The following HTT variants were observed in gnomAD, a reference collection of about 807,000 sequenced individuals.
The protein encoded by HTT is huntingtin, also known as huntington disease protein.
HTT carries 104 observed loss-of-function variants against 362.3 expected under a neutral mutation model. The ratio of observed to expected loss-of-function variants is 0.29; its 90% CI spans 0.24 to 0.34. The LOEUF (loss-of-function observed/expected upper bound fraction) is 0.34, where lower values mean the gene tolerates loss of function less well. HTT is among the 10% of genes least tolerant of loss of function. HTT has a pLI of 1.00. For missense variants in HTT, 3,301 were observed against 3,928.6 expected (o/e 0.84, Z 4.27); for synonymous variants, 1,577 against 1,548.7 (o/e 1.02, Z -0.43).
chr4:3,153,283 C>G (rs375135856), intron 26 of HTT, among the ~76,000 whole-genome samples: 1 of 152,232 alleles, frequency 6.6e-6, no homozygotes, highest in East Asian at 1.9e-4. Context: ...CCTCCTAATA[C>G]CATCACCCTG....
In HTT at chr4:3,113,076, G is replaced by C. The variant is rs1714844013; in HGVS notation, c.748-2228G>C. 4 of 929,662 alleles carry C rather than the reference G, an allele frequency of 4.3e-6. No individual in the cohort carries two copies. The South Asian group carries it at 1.5e-4, about 35-fold the overall frequency. The allele number at this position is 929,662 out of a possible 1,614,324, so 57.6% of individuals were successfully genotyped here. On this transcript the variant is annotated intron_variant, in intron 6 of 66. Coordinates refer to ENST00000355072, the MANE Select transcript of HTT (RefSeq NM_001388492.1). Reference sequence around the variant, plus strand: ...AGGTATGTTGTGCATGTGTTGAAAAGTGGCACTATCTATTCTAAAATACAG... The same window carrying C: ...AGGTATGTTGTGCATGTGTTGAAAACTGGCACTATCTATTCTAAAATACAG...
In HTT at chr4:3,174,955, C is replaced by A. The variant is rs375899948; in HGVS notation, c.4255C>A (p.His1419Asn). 6.3e-7 allele frequency: 1 copy of A among 1,593,606 alleles called. No homozygotes were observed. The highest frequency in any genetic ancestry group is 8.6e-7 in the Non-Finnish European group (1 of 1,165,940). ...TTTTTCTTTTTTATAGAATGCTATT[C>A]ATAATCACATTCGTTTGTTTGAACC... is the stretch of plus-strand genomic sequence containing the variant. ...TKNRADKNAI[H>N]NHIRLFEPLV... is the part of the protein sequence containing the mutation. The change falls in exon 33 of 67, where the codon CAT becomes AAT. Residue 1419 changes from histidine to asparagine, a missense_variant. Around this residue, in one of 4 missense-constraint regions of HTT, gnomAD observed 2,316 missense variants for 2,658.5 expected, o/e 0.87. Coordinates refer to ENST00000355072, the MANE Select transcript of HTT (RefSeq NM_001388492.1).
intron 6 of HTT, among the ~76,000 whole-genome samples, chr4:3,109,330 G>A (rs540392177): frequency 8.8e-5 from 12 of 137,030 alleles, no homozygotes; most frequent in Admixed American, 5.0e-4. Flanking sequence ...GGGTTCAAGC[G>A]ATTCTCCTGC....
chr4:3,165,036 G>A (rs1348063983), intron 29 of HTT, among the ~76,000 whole-genome samples: 3 of 152,098 alleles, frequency 2.0e-5, no homozygotes, highest in Non-Finnish European at 4.4e-5. Flanking sequence ...TTACAATTTG[G>A]CATGTTTTTG....
chr4:3,140,059 A>G (rs1483016550), intron 21 of HTT, among the ~76,000 whole-genome samples: 1 of 152,148 alleles, frequency 6.6e-6, no homozygotes, highest in East Asian at 1.9e-4. Context: ...TCAAGAGTTC[A>G]AGAACAGCCT....
intron 29 of HTT, among the ~76,000 whole-genome samples, chr4:3,166,258 A>T (rs1298784174): frequency 1.3e-5 from 2 of 152,164 alleles, no homozygotes; most frequent in Non-Finnish European, 2.9e-5. Flanking sequence ...AGAACAGCAA[A>T]TATTGCTGCC....
chr4:3,233,511 A>G (rs569372205), intron 61 of HTT, among the ~76,000 whole-genome samples, 158 bp downstream of exon 61: 2 of 152,314 alleles, frequency 1.3e-5, no homozygotes, highest in African/African-American at 2.4e-5. Context: ...AGTGAGACGC[A>G]AGAGCACAGG....
At chr4:3,187,139 G>A (rs1239551128) in intron 38 of HTT, among the ~76,000 whole-genome samples, 2 of 151,094 alleles carry the variant, frequency 1.3e-5, no homozygotes, top group Non-Finnish European at 1.5e-5. Context: ...GATTACAGGC[G>A]TGAGCCACCG....
intron 37 of HTT, among the ~76,000 whole-genome samples, chr4:3,183,934 C>T (rs971614284): frequency 2.6e-5 from 4 of 152,166 alleles, no homozygotes; most frequent in African/African-American, 9.7e-5. Flanking sequence ...GCAGTGCATA[C>T]ATCAGTGATC....
Position 3,240,354 on chromosome 4 carries a change from T to A in HTT, c.*295T>A. ...CAGGTCCTTTCTCCTGATAGTCACCTGCTGGTTGTTGCCAGGTTGCAGCTG... is the reference window on the plus strand; with the variant it reads ...CAGGTCCTTTCTCCTGATAGTCACCAGCTGGTTGTTGCCAGGTTGCAGCTG... On this transcript the variant is annotated 3_prime_UTR_variant, in exon 67 of 67. Coordinates refer to ENST00000355072, the MANE Select transcript of HTT (RefSeq NM_001388492.1). The A allele has an allele frequency of 2.2e-6, 1 of 451,542 alleles. No homozygotes were observed. The highest frequency in any genetic ancestry group is 4.0e-6 in the Non-Finnish European group (1 of 248,352). The allele number at this position is 451,542 out of a possible 1,614,324, so 28.0% of individuals were successfully genotyped here. A position where few individuals can be genotyped will look rare whatever the true frequency, so the allele number is the denominator to read the frequency against.
chr4:3,087,219 G>A (rs190678664), intron 2 of HTT, among the ~76,000 whole-genome samples, 197 bp downstream of exon 2: 184 of 152,174 alleles, frequency 1.2e-3, no homozygotes, highest in Admixed American at 2.2e-3. Context: ...TTCCCTTTTT[G>A]TAATCTTTTA....
rs1292595377 is a variant in HTT, at chr4:3,243,290, T to C, written c.*3231T>C. On this transcript the variant is annotated 3_prime_UTR_variant, in exon 67 of 67. Transcript: ENST00000355072. Reference sequence around the variant, plus strand: ...CTGTGAGCATCCTTCCCAGCAGACATCCTCATCGGGCTTTGTCCCTCCCCC... The same window carrying C: ...CTGTGAGCATCCTTCCCAGCAGACACCCTCATCGGGCTTTGTCCCTCCCCC... 1.3e-5 allele frequency: 2 copies of C among 152,582 alleles called. No individual in the cohort carries two copies. The highest frequency in any genetic ancestry group is 2.9e-5 in the Non-Finnish European group (2 of 68,054). 9.5% of individuals were successfully genotyped at this position (152,582 alleles called of 1,614,324 possible). A position where few individuals can be genotyped will look rare whatever the true frequency, so the allele number is the denominator to read the frequency against.
At chr4:3,235,202 C>A (rs1721464548) in intron 61 of HTT, 82 bp from the exon 62 acceptor site, 1 of 1,013,580 alleles carries the variant, frequency 9.9e-7, no homozygotes, top group South Asian at 1.4e-5. Flanking sequence ...CTCTACACTC[C>A]CGCGTGGGGC....
At chr4:3,225,606 G>A (rs1199899633) in intron 56 of HTT, 55 bp from the exon 57 acceptor site, 4 of 1,519,832 alleles carry the variant, frequency 2.6e-6, no homozygotes, top group Admixed American at 1.8e-5. Context: ...TATGGGGTGG[G>A]CCTGCGGCCC....
At chr4:3,239,002 C>A in intron 66 of HTT, 24 bp downstream of exon 66, 1 of 1,585,770 alleles carries the variant, frequency 6.3e-7, no homozygotes, top group Non-Finnish European at 8.6e-7. Flanking sequence ...GTCCCTGGTG[C>A]TGGCCCCGTT....
intron 6 of HTT, among the ~76,000 whole-genome samples, chr4:3,112,729 T>C (rs1220478254): frequency 1.3e-5 from 2 of 152,218 alleles, no homozygotes; most frequent in Admixed American, 6.5e-5. Context: ...GTGTGTCTTT[T>C]GGAGTACATG....
At chr4:3,148,252 A>T (rs1461300062) in intron 26 of HTT, 45 bp downstream of exon 26, 6 of 1,382,934 alleles carry the variant, frequency 4.3e-6, no homozygotes, top group Non-Finnish European at 4.9e-6. Flanking sequence ...CTTAATGACT[A>T]TGGGTTTCCA....
intron 57 of HTT, among the ~76,000 whole-genome samples, chr4:3,227,852 C>A (rs1378403854): frequency 1.3e-5 from 2 of 152,178 alleles, no homozygotes; most frequent in African/African-American, 4.8e-5. Context: ...GGATGTTTAG[C>A]CCCTAGATGC....
intron 29 of HTT, among the ~76,000 whole-genome samples, chr4:3,161,611 A>G (rs181255554): frequency 6.6e-6 from 1 of 152,328 alleles, no homozygotes; most frequent in African/African-American, 2.4e-5. Context: ...AACGATCGCC[A>G]TCCTAACTGG....
Sources: allele counts gnomAD v4.1 joint callset (sites outside exome capture counted in the v4.1 genomes callset), GRCh38; gene constraint gnomAD v4.1.1; regional missense constraint gnomAD v4.1.1; transcripts MANE v1.5; gene names NCBI Gene and HGNC (gene_info 2026-07-23, HGNC 2026-07-21).